SEC14L1: variants seen among roughly 807,000 people sequenced by gnomAD.
SEC14L1 encodes SEC14 like lipid binding 1, also known as SEC14-like protein 1.
A neutral mutation model predicts 85.3 loss-of-function variants in SEC14L1; 48 were observed. The ratio of observed to expected loss-of-function variants is 0.56; its 90% CI spans 0.45 to 0.72. SEC14L1 has a LOEUF of 0.72. Among genes scored for constraint, SEC14L1 ranks in the 30% least tolerant of loss-of-function variants. SEC14L1 has a pLI of 0.00. For synonymous variants in SEC14L1, 391 were observed against 355.5 expected (o/e 1.10, Z -1.12); for missense variants, 682 against 921.4 (o/e 0.74, Z 3.36).
intron 3 of SEC14L1, among the ~76,000 whole-genome samples, chr17:77,099,514 G>C (rs140820550): frequency 6.1e-4 from 93 of 152,312 alleles, no homozygotes; most frequent in Middle Eastern, 3.4e-3. Flanking sequence ...CCAGCACTTT[G>C]GGAGGCCAAG....
At chr17:77,126,619 A>T (rs921650118) in intron 3 of SEC14L1, among the ~76,000 whole-genome samples, 1 of 152,170 alleles carries the variant, frequency 6.6e-6, no homozygotes, top group African/African-American at 2.4e-5. Context: ...TGTGTGCCCG[A>T]GTGTGCCATG....
intron 3 of SEC14L1, among the ~76,000 whole-genome samples, chr17:77,118,462 T>C (rs1972226835): frequency 6.6e-6 from 1 of 152,092 alleles, no homozygotes; most frequent in Non-Finnish European, 1.5e-5. Flanking sequence ...GGAACAAAGG[T>C]GACTCATTAA....
chr17:77,186,939 T>C (rs1459387562), intron 3 of SEC14L1, among the ~76,000 whole-genome samples: 2 of 152,228 alleles, frequency 1.3e-5, no homozygotes, highest in Non-Finnish European at 1.5e-5. Context: ...TTGGTTGTGA[T>C]TAATTTAAGA....
At chr17:77,115,052 C>T (rs1489634254) in intron 3 of SEC14L1, among the ~76,000 whole-genome samples, 1 of 152,128 alleles carries the variant, frequency 6.6e-6, no homozygotes, top group Non-Finnish European at 1.5e-5. Flanking sequence ...GACCATGTAC[C>T]AGTCACAAAT....
At chr17:77,115,020 C>T (rs568642992) in intron 3 of SEC14L1, among the ~76,000 whole-genome samples, 75 of 152,226 alleles carry the variant, frequency 4.9e-4, no homozygotes, top group African/African-American at 1.7e-3. Flanking sequence ...GAAAACTGCC[C>T]GTCCTGCTGC....
In SEC14L1 at chr17:77,129,273, A is replaced by G. The variant is rs1972544653; in HGVS notation, c.-135-13373A>G. ...GTGAGATTTTCTGACACCAAATTCC[A>G]TCAGCATCCAATTAGTATTTTTGTT... On this transcript the variant is annotated intron_variant, in intron 3 of 19. Coordinates refer to the SEC14L1 transcript ENST00000392476. 2.0e-5 allele frequency among the ~76,000 whole-genome samples: 3 copies of G among 152,238 alleles called. No homozygotes were observed. The South Asian group carries it at 6.2e-4, about 32-fold the overall frequency.
At chr17:77,190,363 A>G (rs1326135533) in intron 3 of SEC14L1, among the ~76,000 whole-genome samples, 1 of 152,072 alleles carries the variant, frequency 6.6e-6, no homozygotes, top group Non-Finnish European at 1.5e-5. Flanking sequence ...TGTCCCATAG[A>G]TCTGTATGTC....
At chr17:77,143,771 A>C in intron 3 of SEC14L1, 112 bp downstream of exon 3, 1 of 759,728 alleles carries the variant, frequency 1.3e-6, no homozygotes, top group East Asian at 2.7e-5. Flanking sequence ...ACTTGAACTT[A>C]CTCTGTTTTT....
chr17:77,173,824 C>T (rs962354552), intron 3 of SEC14L1, among the ~76,000 whole-genome samples: 4 of 152,060 alleles, frequency 2.6e-5, no homozygotes, highest in South Asian at 2.1e-4. Flanking sequence ...TGGGGTATTT[C>T]GCATCCTGGA....
chr17:77,190,690 C>T lies in SEC14L1; in HGVS notation c.64-113C>T, dbSNP rs576290109. The T allele has an allele frequency of 1.4e-4, 140 of 1,014,604 alleles. 1 individual carries two copies. The highest frequency in any genetic ancestry group is 9.7e-4 in the South Asian group (64 of 65,758). The allele number at this position is 1,014,604 out of a possible 1,614,324, so 62.9% of individuals were successfully genotyped here. On this transcript the variant is annotated intron_variant, in intron 3 of 16. Transcript: ENST00000436233. ...GCTTCAGATGTGAAGACAGTTGTGG[C>T]GCTGCCTGTTGCCGTGCACCGAGAG...
chr17:77,169,512 A>G (rs777173873), intron 3 of SEC14L1, among the ~76,000 whole-genome samples: 19 of 152,204 alleles, frequency 1.2e-4, no homozygotes, highest in Non-Finnish European at 2.6e-4. Context: ...CTAACAGTCA[A>G]TTTTGTTTAA....
chr17:77,194,098 C>T (rs1326007261), intron 6 of SEC14L1, among the ~76,000 whole-genome samples: 2 of 152,126 alleles, frequency 1.3e-5, no homozygotes, highest in Admixed American at 1.3e-4. Context: ...TACAAGTACC[C>T]TAAATCAGCA....
intron 3 of SEC14L1, among the ~76,000 whole-genome samples, chr17:77,152,298 G>A (rs1443652201): frequency 6.6e-6 from 1 of 152,162 alleles, no homozygotes; most frequent in Non-Finnish European, 1.5e-5. Flanking sequence ...CCCTTTGGGA[G>A]GCTGAGGCGG....
intron 3 of SEC14L1, among the ~76,000 whole-genome samples, chr17:77,112,710 C>T (rs1055679858): frequency 1.3e-5 from 2 of 149,640 alleles, no homozygotes; most frequent in Admixed American, 1.3e-4. Context: ...ACGGTGAAAC[C>T]CCATCTCTAC....
chr17:77,095,757 C>T (rs989374117), intron 3 of SEC14L1, among the ~76,000 whole-genome samples: 63 of 151,968 alleles, frequency 4.1e-4, no homozygotes, highest in East Asian at 1.9e-4. Context: ...ACAGAGGTTT[C>T]GGTGAGCCAA....
intron 3 of SEC14L1, among the ~76,000 whole-genome samples, chr17:77,184,942 G>A (rs981797386): frequency 2.6e-5 from 4 of 152,194 alleles, no homozygotes; most frequent in African/African-American, 9.7e-5. Context: ...AGAGATGAAA[G>A]TTACATCTAC....
At chr17:77,166,305 T>C (rs1435436963) in intron 3 of SEC14L1, among the ~76,000 whole-genome samples, 1 of 152,160 alleles carries the variant, frequency 6.6e-6, no homozygotes, top group African/African-American at 2.4e-5. Flanking sequence ...CTTTCAACAA[T>C]GCTGCAAGTT....
chr17:77,173,744 C>T (rs1974626890), intron 3 of SEC14L1, among the ~76,000 whole-genome samples: 1 of 152,102 alleles, frequency 6.6e-6, no homozygotes, highest in African/African-American at 2.4e-5. Flanking sequence ...ATTTTTAGTC[C>T]TTTCATTATC....
chr17:77,156,736 A>G (rs1014607031), intron 3 of SEC14L1, among the ~76,000 whole-genome samples: 3 of 152,132 alleles, frequency 2.0e-5, no homozygotes, highest in Non-Finnish European at 4.4e-5. Context: ...TTACATTGGA[A>G]CATAGTCGTT....
Sources: gnomAD v4.1 joint callset for allele counts (sites outside exome capture counted in the v4.1 genomes callset) on GRCh38, gnomAD v4.1.1 for gene constraint, MANE v1.5 for transcripts, NCBI Gene and HGNC (gene_info 2026-07-23, HGNC 2026-07-21) for gene names.